Variants in TAF3 observed in about 807,000 individuals in gnomAD.
The protein encoded by TAF3 is TATA-box binding protein associated factor 3.
A neutral mutation model predicts 80.6 loss-of-function variants in TAF3; 7 were observed. The ratio of observed to expected loss-of-function variants is 0.09; its 90% CI spans 0.05 to 0.16. The LOEUF (loss-of-function observed/expected upper bound fraction) is 0.16. TAF3 is among the 10% of genes least tolerant of loss of function. The probability of loss-of-function intolerance (pLI) is 1.00; values close to 1 mark genes in which losing one functional copy is unlikely to be tolerated. For missense variants in TAF3, 921 were observed against 1,140.2 expected (o/e 0.81, Z 2.77); for synonymous variants, 444 against 446.1 (o/e 1.00, Z 0.06).
chr10:8,016,436 G>C lies in TAF3; in HGVS notation c.*1685G>C, dbSNP rs1832105522. On this transcript the variant is annotated 3_prime_UTR_variant, in exon 7 of 7. Coordinates refer to ENST00000344293, the MANE Select transcript of TAF3 (RefSeq NM_031923.4). ...GGGTGTCATTGCCCTCGTTGTTCAA[G>C]AGGCCAGAATTTTTCTATCCCCGCT... The C allele has an allele frequency of 6.6e-6, 1 of 152,162 alleles. No individual in the cohort carries two copies. The highest frequency in any genetic ancestry group is 1.5e-5 in the Non-Finnish European group (1 of 68,036). The allele number at this position is 152,162 out of a possible 1,614,324, so 9.4% of individuals were successfully genotyped here.
chr10:7,946,616 G>A (rs1245881301), intron 2 of TAF3, among the ~76,000 whole-genome samples: 1 of 152,138 alleles, frequency 6.6e-6, no homozygotes, highest in Non-Finnish European at 1.5e-5. Flanking sequence ...CCAGCTACTT[G>A]GAATGCTGAG....
chr10:7,898,539 C>G (rs1454376153), intron 2 of TAF3, among the ~76,000 whole-genome samples: 1 of 106,670 alleles, frequency 9.4e-6, no homozygotes, highest in Non-Finnish European at 1.8e-5. Context: ...GAACAAGACT[C>G]TGTCTCAAAA....
chr10:7,994,713 C>G (rs1347124217), intron 4 of TAF3, among the ~76,000 whole-genome samples: 1 of 151,524 alleles, frequency 6.6e-6, no homozygotes, highest in Non-Finnish European at 1.5e-5. Flanking sequence ...GCCTGTGATC[C>G]CAGCACTTTG....
At chr10:7,998,791 A>G (rs573251127) in intron 4 of TAF3, among the ~76,000 whole-genome samples, 1 of 151,874 alleles carries the variant, frequency 6.6e-6, no homozygotes, top group African/African-American at 2.4e-5. Context: ...GTGAGCCGGG[A>G]TCGCGCCACT....
chr10:7,930,972 T>C (rs1837863061), intron 2 of TAF3, among the ~76,000 whole-genome samples: 1 of 152,202 alleles, frequency 6.6e-6, no homozygotes, highest in Non-Finnish European at 1.5e-5. Flanking sequence ...ACCAAATCTG[T>C]GCTGCACACT....
intron 4 of TAF3, among the ~76,000 whole-genome samples, chr10:8,005,513 G>A (rs1202204195): frequency 2.0e-5 from 3 of 152,224 alleles, no homozygotes; most frequent in Non-Finnish European, 2.9e-5. Flanking sequence ...TTAGTGTCGG[G>A]AGGGAGTTCT....
chr10:7,819,170 C>T (rs1357915189), intron 1 of TAF3, among the ~76,000 whole-genome samples: 2 of 152,124 alleles, frequency 1.3e-5, no homozygotes, highest in Admixed American at 6.5e-5. Flanking sequence ...GGATCTCTCT[C>T]ATTGTCTCCT....
chr10:7,923,085 A>C (rs1837780046), intron 2 of TAF3, among the ~76,000 whole-genome samples: 1 of 152,124 alleles, frequency 6.6e-6, no homozygotes, highest in Non-Finnish European at 1.5e-5. Context: ...GAATAAACAA[A>C]AGTCATTAAA....
chr10:7,928,411 A>G (rs2131195050), intron 2 of TAF3, among the ~76,000 whole-genome samples: 1 of 152,260 alleles, frequency 6.6e-6, no homozygotes, highest in South Asian at 2.1e-4. Context: ...TGTGTTTTTC[A>G]TGTAGTTTTA....
intron 2 of TAF3, among the ~76,000 whole-genome samples, chr10:7,952,517 A>T (rs1419770638): frequency 6.6e-6 from 1 of 152,210 alleles, no homozygotes; most frequent in East Asian, 1.9e-4. Flanking sequence ...CCAAAGTCAT[A>T]TTGTTATCTT....
intron 2 of TAF3, among the ~76,000 whole-genome samples, chr10:7,925,817 AG>A (rs1391963600): frequency 1.2e-4 from 18 of 150,462 alleles, no homozygotes; most frequent in Admixed American, 6.6e-4. Flanking sequence ...AAAAAAGAAA[AG>A]AAAAGAAAAG....
At chr10:7,898,545 C>CAAAAAAAAAAAAAAAAAAAAA in intron 2 of TAF3, among the ~76,000 whole-genome samples, 1 of 96,204 alleles carries the variant, frequency 1.0e-5, no homozygotes, top group Non-Finnish European at 2.1e-5. Flanking sequence ...GACTCTGTCT[C>CAAAAAAAAAAAAAAAAAAAAA]AAAAAAAAAA....
At chr10:7,942,801 A>C (rs1204723453) in intron 2 of TAF3, among the ~76,000 whole-genome samples, 2 of 152,244 alleles carry the variant, frequency 1.3e-5, no homozygotes, top group Non-Finnish European at 2.9e-5. Context: ...TAGTTAAAAA[A>C]ATTTTTTTTT....
intron 1 of TAF3, among the ~76,000 whole-genome samples, chr10:7,820,731 G>A (rs1243941742): frequency 6.6e-6 from 1 of 152,200 alleles, no homozygotes; most frequent in East Asian, 1.9e-4. Flanking sequence ...CTGGGCTCAA[G>A]TGATCCTCCT....
At chr10:7,989,480 C>T (rs1353856710) in intron 4 of TAF3, among the ~76,000 whole-genome samples, 2 of 152,146 alleles carry the variant, frequency 1.3e-5, no homozygotes, top group African/African-American at 4.8e-5. Flanking sequence ...TGAATCATTC[C>T]TAATATAAAT....
At chr10:7,865,922 A>G (rs1255354748) in intron 2 of TAF3, among the ~76,000 whole-genome samples, 1 of 152,202 alleles carries the variant, frequency 6.6e-6, no homozygotes, top group African/African-American at 2.4e-5. Context: ...AACTATGACC[A>G]TACTTCATCC....
chr10:7,850,760 C>T (rs1367247486), intron 2 of TAF3, among the ~76,000 whole-genome samples: 1 of 151,994 alleles, frequency 6.6e-6, no homozygotes, highest in African/African-American at 2.4e-5. Context: ...CCTCACAATA[C>T]ATATTCTAAT....
chr10:7,846,148 G>A (rs1046149719), intron 2 of TAF3, among the ~76,000 whole-genome samples: 6 of 151,906 alleles, frequency 3.9e-5, no homozygotes, highest in Admixed American at 2.0e-4. Flanking sequence ...TGGTAGAGAT[G>A]GGGTTTCACC....
rs534010508 is a variant in TAF3, at chr10:7,945,059, A to AT, written c.410-18853dup. On this transcript the variant is annotated intron_variant, in intron 2 of 6. Coordinates refer to ENST00000344293, the MANE Select transcript of TAF3 (RefSeq NM_031923.4). Reference sequence around the variant, plus strand: ...AGTTGTAATTTTTTACTCTATTTTCATTTTTTTTGGTAGTAAACTGCACAA... The same window carrying AT: ...AGTTGTAATTTTTTACTCTATTTTCATTTTTTTTTGGTAGTAAACTGCACAA... Among the ~76,000 whole-genome samples, 592 of 152,110 alleles carry AT rather than the reference A, an allele frequency of 3.9e-3. 5 individuals are homozygous for AT. The highest frequency in any genetic ancestry group is 0.02 in the South Asian group (98 of 4,816).
Sources: allele counts gnomAD v4.1 joint callset (sites outside exome capture counted in the v4.1 genomes callset), GRCh38; gene constraint gnomAD v4.1.1; transcripts MANE v1.5; gene names NCBI Gene and HGNC (gene_info 2026-07-23, HGNC 2026-07-21).